PCDHGA10: variants seen among roughly 807,000 people sequenced by gnomAD.
PCDHGA10 encodes protocadherin gamma-A10.
Under a neutral mutation model 59.5 loss-of-function variants are expected in PCDHGA10, and 42 were observed. The observed-to-expected ratio is 0.71, with a 90% CI of 0.55 to 0.91. The LOEUF (loss-of-function observed/expected upper bound fraction) is 0.91, where lower values mean the gene tolerates loss of function less well. Among genes scored for constraint, PCDHGA10 ranks in the 40% least tolerant of loss-of-function variants. PCDHGA10 has a pLI of 0.00. For missense variants in PCDHGA10, 1,111 were observed against 1,198.2 expected (o/e 0.93, Z 1.07); for synonymous variants, 511 against 517.2 (o/e 0.99, Z 0.16).
chr5:141,459,506 A>G (rs1156362858), intron 1 of PCDHGA10, among the ~76,000 whole-genome samples: 1 of 152,236 alleles, frequency 6.6e-6, no homozygotes, highest in East Asian at 1.9e-4. Flanking sequence ...GATGTGAACA[A>G]TCATGTACAA....
intron 2 of PCDHGA10, among the ~76,000 whole-genome samples, chr5:141,503,275 C>T (rs1466636672): frequency 1.3e-5 from 2 of 152,108 alleles, no homozygotes; most frequent in Non-Finnish European, 2.9e-5. Context: ...GCACCTGGCT[C>T]TGTGTCTGGT....
intron 1 of PCDHGA10, chr5:141,420,193 A>G: frequency 6.2e-7 from 1 of 1,613,766 alleles, no homozygotes; most frequent in South Asian, 1.1e-5. Context: ...CAGCCACACA[A>G]GATAACCTCA....
In PCDHGA10 at chr5:141,489,406, A is replaced by T; in HGVS notation, c.2437-5401A>T. 6.2e-7 allele frequency: 1 copy of T among 1,614,166 alleles called. No individual in the cohort carries two copies. Among genetic ancestry groups the T allele is most frequent in the Non-Finnish European group, 8.5e-7 (1 of 1,180,028 alleles). Reference sequence around the variant, plus strand: ...TGTTGCTCAGGATCTGGGCTTAAAGATGACAGATCTGTTGAGCCGGCGGCT... The same window carrying T: ...TGTTGCTCAGGATCTGGGCTTAAAGTTGACAGATCTGTTGAGCCGGCGGCT... On this transcript the variant is annotated intron_variant, in intron 1 of 3. Coordinates refer to ENST00000398610, the MANE Select transcript of PCDHGA10 (RefSeq NM_018913.3). This position sits in a 1 kb window ranked among gnomAD's most constrained non-coding sequence, Gnocchi z 4.5.
At chr5:141,492,495 G>A (rs750427038) in intron 1 of PCDHGA10, among the ~76,000 whole-genome samples, 65 of 152,186 alleles carry the variant, frequency 4.3e-4, no homozygotes, top group Non-Finnish European at 6.0e-4. Context: ...ACCAGGCGAG[G>A]ACTCCGGAGC....
rs761202330 is a variant in PCDHGA10 at position 141,489,878 on chromosome 5, C to T, written c.2437-4929C>T. 1.1e-5 allele frequency: 17 copies of T among 1,614,116 alleles called. No individual in the cohort carries two copies. In the East Asian group the frequency reaches 3.6e-4, roughly 34 times the overall value. On this transcript the variant is annotated intron_variant, in intron 1 of 3. Transcript: ENST00000398610. This position sits in a 1 kb window ranked among gnomAD's most constrained non-coding sequence, Gnocchi z 4.5. ...CAGGCAAGACATCAGCTGGTGCTTA[C>T]TGCTGTGGATGGGGGGACCCCAGCC... is the stretch of plus-strand genomic sequence containing the variant.
intron 2 of PCDHGA10, among the ~76,000 whole-genome samples, chr5:141,502,107 C>T (rs1292131951): frequency 6.6e-6 from 1 of 152,192 alleles, no homozygotes; most frequent in East Asian, 1.9e-4. Context: ...TGACCCTGCA[C>T]CCTCAGCCAG....
At chr5:141,418,433 C>G (rs761824602) in intron 1 of PCDHGA10, 44 of 1,613,938 alleles carry the variant, frequency 2.7e-5, no homozygotes, top group Non-Finnish European at 3.7e-5. Flanking sequence ...TGGCAAATAT[C>G]CAGAATTAGT....
chr5:141,421,734 G>A (rs761780459), intron 1 of PCDHGA10: 1 of 1,613,948 alleles, frequency 6.2e-7, no homozygotes, highest in Non-Finnish European at 8.5e-7. Flanking sequence ...ACTCCCTCCA[G>A]AGCTACCAGC....
Position 141,485,449 on chromosome 5 carries a change from A to G in PCDHGA10, c.2437-9358A>G, listed in dbSNP as rs2099613844. 6.2e-7 allele frequency: 1 copy of G among 1,614,054 alleles called. No homozygotes were observed. The highest frequency in any genetic ancestry group is 2.2e-5 in the East Asian group (1 of 44,876). On this transcript the variant is annotated intron_variant, in intron 1 of 3. Coordinates refer to ENST00000398610, the MANE Select transcript of PCDHGA10 (RefSeq NM_018913.3). The surrounding 1 kb of genome is among the most constrained non-coding windows in gnomAD (Gnocchi z 5.7). ...TGCTCATCAAGAACCCAATCGACCG[A>G]GAGGCACTGTGTGGGCTCAGTGCCA...
chr5:141,453,266 A>G (rs1322091044), intron 1 of PCDHGA10, among the ~76,000 whole-genome samples: 4 of 151,838 alleles, frequency 2.6e-5, no homozygotes. Flanking sequence ...AGTGCACACC[A>G]CCATGACTGG....
At chr5:141,420,259 G>A (rs775335307) in intron 1 of PCDHGA10, 8 of 1,564,678 alleles carry the variant, frequency 5.1e-6, no homozygotes, top group Non-Finnish European at 6.9e-6. Context: ...AAGCAGATAA[G>A]AAGATTCTTA....
chr5:141,425,394 G>T (rs186813737), intron 1 of PCDHGA10, among the ~76,000 whole-genome samples: 10 of 152,302 alleles, frequency 6.6e-5, no homozygotes, highest in African/African-American at 2.4e-4. Context: ...TAGTGATAAA[G>T]TTCTGTTAAG....
intron 1 of PCDHGA10, chr5:141,419,649 A>C: frequency 6.2e-7 from 1 of 1,612,422 alleles, no homozygotes; most frequent in Non-Finnish European, 8.5e-7. Context: ...GTGGACGCGG[A>C]CTCGGGGCAC....
intron 2 of PCDHGA10, among the ~76,000 whole-genome samples, chr5:141,497,706 A>G (rs2099778850): frequency 6.6e-6 from 1 of 151,956 alleles, no homozygotes; most frequent in Middle Eastern, 3.2e-3. Flanking sequence ...CACCCAGCTC[A>G]TTTTTGTATT....
At chr5:141,422,144 G>T in intron 1 of PCDHGA10, 1 of 1,583,520 alleles carries the variant, frequency 6.3e-7, no homozygotes, top group Non-Finnish European at 8.5e-7. Context: ...CAAGTACGGG[G>T]GTCTCTGGAT....
chr5:141,439,756 G>A (rs74623862), intron 1 of PCDHGA10: 30 of 152,422 alleles, frequency 2.0e-4, no homozygotes, highest in African/African-American at 7.0e-4. Context: ...CAGGCAATGA[G>A]TTCAGCTCCT....
chr5:141,431,907 T>A lies in PCDHGA10; in HGVS notation c.2436+16296T>A, dbSNP rs2097427946. 2 of 1,613,964 alleles carry A rather than the reference T, an allele frequency of 1.2e-6. No homozygotes were observed. Among genetic ancestry groups the A allele is most frequent in the South Asian group, 2.2e-5 (2 of 91,086 alleles). Reference sequence around the variant, plus strand: ...GATTCTGAGGAAAACGGACAGGTGATCTGTTTCATCCAAGGAAATCTGCCC... The same window carrying A: ...GATTCTGAGGAAAACGGACAGGTGAACTGTTTCATCCAAGGAAATCTGCCC... On this transcript the variant is annotated intron_variant, in intron 1 of 3. Transcript: ENST00000398610. This position sits in a 1 kb window ranked among gnomAD's most constrained non-coding sequence, Gnocchi z 4.8.
At chr5:141,422,202 T>C (rs1272540004) in intron 1 of PCDHGA10, 1 of 1,561,656 alleles carries the variant, frequency 6.4e-7, no homozygotes, top group Admixed American at 2.0e-5. Flanking sequence ...GCCAAGATGG[T>C]GGAGGTCTCT....
Position 141,489,090 on chromosome 5 carries a change from C to CCAA in PCDHGA10, c.2437-5717_2437-5716insCAA, listed in dbSNP as rs2099682444. 1 of 328,824 alleles carries CCAA rather than the reference C, an allele frequency of 3.0e-6. No individual in the cohort carries two copies. Among genetic ancestry groups the CCAA allele is most frequent in the Admixed American group, 6.1e-5 (1 of 16,500 alleles). The allele number at this position is 328,824 out of a possible 1,614,324, so 20.4% of individuals were successfully genotyped here. ...CCTGCCCACCCCCGCCACTCGGTGA[C>CCAA]TAAGAACTGCTGCAAGCAGGCAAAC... On this transcript the variant is annotated intron_variant, in intron 1 of 3. Transcript: ENST00000398610. This position sits in a 1 kb window ranked among gnomAD's most constrained non-coding sequence, Gnocchi z 4.5.
Sources: allele counts gnomAD v4.1 joint callset (sites outside exome capture counted in the v4.1 genomes callset), GRCh38; gene constraint gnomAD v4.1.1; non-coding constraint Gnocchi (gnomAD v3.1); transcripts MANE v1.5; gene names NCBI Gene and HGNC (gene_info 2026-07-23, HGNC 2026-07-21).